Variants in TBL1XR1 observed in about 807,000 individuals in gnomAD.
TBL1XR1 encodes F-box-like/WD repeat-containing protein TBL1XR1.
A neutral mutation model predicts 66.9 loss-of-function variants in TBL1XR1; 5 were observed. The ratio of observed to expected loss-of-function variants is 0.07; its 90% CI spans 0.04 to 0.16. The LOEUF (loss-of-function observed/expected upper bound fraction) is 0.16, where lower values mean the gene tolerates loss of function less well. Ranked by LOEUF, TBL1XR1 falls within the 10% of genes least tolerant of loss-of-function variation. The probability of loss-of-function intolerance (pLI) is 1.00; values close to 1 mark genes in which losing one functional copy is unlikely to be tolerated. For synonymous variants in TBL1XR1, 210 were observed against 206.0 expected (o/e 1.02, Z -0.17); for missense variants, 238 against 623.2 (o/e 0.38, Z 6.58).
upstream of TBL1XR1, among the ~76,000 whole-genome samples, chr3:177,197,651 C>T (rs1265606119): frequency 3.9e-5 from 1 of 25,776 alleles, no homozygotes; most frequent in Non-Finnish European, 7.5e-5. Flanking sequence ...GGCGGGCGCG[C>T]GGGGGAGGGG....
upstream of TBL1XR1, among the ~76,000 whole-genome samples, chr3:177,199,363 A>C (rs1256937197): frequency 7.0e-6 from 1 of 143,278 alleles, no homozygotes; most frequent in African/African-American, 2.6e-5. Context: ...AATTGAAAAG[A>C]GTATATAGTA....
intron 1 of TBL1XR1, among the ~76,000 whole-genome samples, chr3:177,172,588 TCCTG>T (rs1733664069): frequency 7.0e-6 from 1 of 142,914 alleles, no homozygotes; most frequent in Non-Finnish European, 1.5e-5. Context: ...ACCACTACAC[TCCTG>T]CCTGAGTGAC....
intron 3 of TBL1XR1, among the ~76,000 whole-genome samples, chr3:177,057,450 A>G (rs1307166218): frequency 1.3e-5 from 2 of 152,210 alleles, no homozygotes; most frequent in East Asian, 3.8e-4. Flanking sequence ...ACCTGAGTCA[A>G]CAAGTACTCA....
intron 1 of TBL1XR1, among the ~76,000 whole-genome samples, chr3:177,191,552 T>C (rs1736140925): frequency 6.6e-6 from 1 of 152,160 alleles, no homozygotes; most frequent in African/African-American, 2.4e-5. Context: ...CATAGAACTT[T>C]TGACTATTAG....
At chr3:177,098,173 T>C (rs1418082253) in intron 2 of TBL1XR1, among the ~76,000 whole-genome samples, 1 of 151,932 alleles carries the variant, frequency 6.6e-6, no homozygotes, top group Non-Finnish European at 1.5e-5. Context: ...GATCACGCCA[T>C]TGCACTCCAG....
intron 1 of TBL1XR1, among the ~76,000 whole-genome samples, chr3:177,153,614 G>A (rs185067455): frequency 2.0e-5 from 3 of 152,228 alleles, no homozygotes; most frequent in East Asian, 1.9e-4. Context: ...AAGGCCAGGC[G>A]CGGTGGCTCA....
chr3:177,096,327 T>TACACACACACACACACACACAC (rs1325905920), intron 2 of TBL1XR1, among the ~76,000 whole-genome samples: 18 of 108,268 alleles, frequency 1.7e-4, no homozygotes, highest in South Asian at 9.1e-4. Context: ...CACACTAACA[T>TACACACACACACACACACACAC]ACATACATAC....
rs1553808729 is a variant in TBL1XR1, at chr3:177,034,213, T to C, written c.1235A>G (p.Asn412Ser). The change falls in exon 13 of 16, where the codon AAC becomes AGC. Residue 412 changes from asparagine to serine, a missense_variant. This residue lies in a region of TBL1XR1 where 89 missense variants were observed against 220.2 expected (regional missense o/e 0.40). Coordinates refer to ENST00000457928, the MANE Select transcript of TBL1XR1 (RefSeq NM_024665.7). Reference sequence around the variant, plus strand: ...GAAGTATCACCTTGCTAACATAAGGTTGGCATTTGGATTATTAGTCCCTGG... The same window carrying C: ...GAAGTATCACCTTGCTAACATAAGGCTGGCATTTGGATTATTAGTCCCTGG... ...TGPGTNNPNA[N>S]LMLASASFDS... The C allele has an allele frequency of 3.1e-6, 5 of 1,601,510 alleles. No individual in the cohort carries two copies. Among genetic ancestry groups the C allele is most frequent in the African/African-American group, 1.3e-5 (1 of 74,142 alleles).
At chr3:177,185,606 CA>C (rs67181434) in intron 1 of TBL1XR1, among the ~76,000 whole-genome samples, 3,383 of 145,072 alleles carry the variant, frequency 0.023, 133 homozygotes, top group African/African-American at 0.082. Flanking sequence ...AGACTGTTTC[CA>C]AAAAAAAAAA....
rs548175907 is a variant in TBL1XR1, at chr3:177,107,886, G to C, written c.-121-9345C>G. The stretch of plus-strand genomic sequence containing the variant: ...AATGGTCTAAGGCAAACTATGGCCA[G>C]TTAGCAGATATTTTTTTATTTTGCA... On this transcript the variant is annotated intron_variant, in intron 1 of 15. Coordinates refer to ENST00000457928, the MANE Select transcript of TBL1XR1 (RefSeq NM_024665.7). Among the ~76,000 whole-genome samples, 157 of 152,258 alleles carry C rather than the reference G, an allele frequency of 1.0e-3. 1 individual carries two copies. The highest frequency in any genetic ancestry group is 3.7e-3 in the African/African-American group (152 of 41,566).
chr3:177,162,116 T>G (rs902045668), intron 1 of TBL1XR1, among the ~76,000 whole-genome samples: 1 of 152,222 alleles, frequency 6.6e-6, no homozygotes, highest in Non-Finnish European at 1.5e-5. Context: ...ACCAAAAAGA[T>G]GTTAAGTGCT....
Position 177,177,724 on chromosome 3 carries a change from C to CAGCT in TBL1XR1, c.-122+19393_-122+19396dup, listed in dbSNP as rs1734325680. Among the ~76,000 whole-genome samples the CAGCT allele has an allele frequency of 2.6e-5, 4 of 152,168 alleles. No individual in the cohort carries two copies. The East Asian group carries it at 7.7e-4, about 29-fold the overall frequency. Reference sequence around the variant, plus strand: ...TAAGGATGAACCAATTTAAGACTACCAGCTAATCATGAAAACATACCTAAG... The same window carrying CAGCT: ...TAAGGATGAACCAATTTAAGACTACCAGCTAGCTAATCATGAAAACATACCTAAG... On this transcript the variant is annotated intron_variant, in intron 1 of 15. Transcript: ENST00000457928.
At chr3:177,054,573 C>CATAT (rs1157672374) in intron 3 of TBL1XR1, among the ~76,000 whole-genome samples, 2 of 152,110 alleles carry the variant, frequency 1.3e-5, no homozygotes, top group Admixed American at 6.5e-5. Context: ...TAAATTTCTA[C>CATAT]ATATAAATTG....
intron 1 of TBL1XR1, among the ~76,000 whole-genome samples, chr3:177,110,269 T>G (rs1725391629): frequency 6.6e-6 from 1 of 152,092 alleles, no homozygotes; most frequent in South Asian, 2.1e-4. Context: ...AACTTCAAAG[T>G]TTTTCCAAGA....
intron 1 of TBL1XR1, among the ~76,000 whole-genome samples, chr3:177,142,063 G>T (rs1479805284): frequency 6.6e-6 from 1 of 152,204 alleles, no homozygotes; most frequent in Non-Finnish European, 1.5e-5. Flanking sequence ...GGAATGAGAA[G>T]AAGTTGCTTA....
rs144624613 is a variant in TBL1XR1, at chr3:177,100,148, AG to A, written c.-121-1608del. Among the ~76,000 whole-genome samples the A allele has an allele frequency of 9.6e-3, 1,469 of 152,298 alleles. 13 individuals carry two copies. The highest frequency in any genetic ancestry group is 0.015 in the Non-Finnish European group (1,015 of 68,014). ...TAGCTACTCGGGAGCCTGGGGCACG[AG>A]GGTCACTTGAGCCTGGGAGGCAGAG... On this transcript the variant is annotated intron_variant, in intron 1 of 15. Transcript: ENST00000457928.
At chr3:177,160,763 AGGAG>A (rs1251183767) in intron 1 of TBL1XR1, 3 of 152,186 alleles carry the variant, frequency 2.0e-5, no homozygotes, top group African/African-American at 7.2e-5. Flanking sequence ...TGGGAGACTG[AGGAG>A]GGTGGATCAC....
intron 1 of TBL1XR1, among the ~76,000 whole-genome samples, chr3:177,186,778 G>A (rs533518463): frequency 5.3e-5 from 8 of 152,186 alleles, no homozygotes; most frequent in African/African-American, 1.2e-4. Flanking sequence ...ATAGATCCCC[G>A]TCAAAACTCA....
At chr3:177,136,034 T>C (rs1728955143) in intron 1 of TBL1XR1, among the ~76,000 whole-genome samples, 1 of 152,012 alleles carries the variant, frequency 6.6e-6, no homozygotes, top group Admixed American at 6.5e-5. Flanking sequence ...AATAGATCAG[T>C]ATCTAAAATC....
Sources: allele counts gnomAD v4.1 joint callset (sites outside exome capture counted in the v4.1 genomes callset), GRCh38; gene constraint gnomAD v4.1.1; regional missense constraint gnomAD v4.1.1; transcripts MANE v1.5; gene names NCBI Gene and HGNC (gene_info 2026-07-23, HGNC 2026-07-21).